COTL1: variants seen among roughly 807,000 people sequenced by gnomAD.
COTL1 encodes coactosin like F-actin binding protein 1, also known as coactosin-like protein.
A neutral mutation model predicts 16.5 loss-of-function variants in COTL1; 15 were observed. The ratio of observed to expected loss-of-function variants is 0.91; its 90% CI spans 0.61 to 1.40. The LOEUF is 1.40. Ranked by LOEUF, COTL1 falls within the 40% of genes most tolerant of loss-of-function variation. The probability of loss-of-function intolerance (pLI) is 0.00; values close to 1 mark genes in which losing one functional copy is unlikely to be tolerated. For missense variants in COTL1, 220 were observed against 201.5 expected, an observed-to-expected ratio of 1.09 and a Z score of -0.56; for synonymous variants, 112 against 85.3, an observed-to-expected ratio of 1.31 and a Z score of -1.73.
At chr16:84,604,854 C>A (rs1256571754) in intron 2 of COTL1, among the ~76,000 whole-genome samples, 1 of 152,236 alleles carries the variant, frequency 6.6e-6, no homozygotes. Context: ...TATTTGCAAG[C>A]CATGAACAAT....
chr16:84,598,665 C>CA (rs1905054036), intron 2 of COTL1, among the ~76,000 whole-genome samples: 1 of 150,562 alleles, frequency 6.6e-6, no homozygotes, highest in South Asian at 2.1e-4. Flanking sequence ...CAACCCCCCC[C>CA]ACCAACCCCG....
chr16:84,603,714 G>C (rs1336115531), intron 2 of COTL1, among the ~76,000 whole-genome samples: 5 of 152,110 alleles, frequency 3.3e-5, no homozygotes, highest in African/African-American at 1.2e-4. Flanking sequence ...TGTGCTCAGG[G>C]AAAAGGGCTG....
chr16:84,586,130 C>A (rs1239355046), intron 3 of COTL1, among the ~76,000 whole-genome samples: 1 of 152,174 alleles, frequency 6.6e-6, no homozygotes, highest in Admixed American at 6.6e-5. Flanking sequence ...ATAGCATGGA[C>A]CGTTTCTTTG....
intron 3 of COTL1, 114 bp downstream of exon 3, chr16:84,589,991 G>A: frequency 9.6e-7 from 1 of 1,045,822 alleles, no homozygotes; most frequent in South Asian, 1.6e-5. Context: ...AGCATGGCTT[G>A]TCCCAAGTCA....
chr16:84,587,084 A>G (rs1904751423), intron 3 of COTL1, among the ~76,000 whole-genome samples: 1 of 151,866 alleles, frequency 6.6e-6, no homozygotes, highest in East Asian at 1.9e-4. Flanking sequence ...CTTCTTTTTC[A>G]TTTTCCATCC....
Position 84,566,941 on chromosome 16 carries a change from C to T in COTL1, c.333G>A (p.Glu111=). ...GCTCCTTCCGATCACTGATCACAAACTCCTTAGCGAAATTCTGCAAGAACA... is the reference window on the plus strand; with the variant it reads ...GCTCCTTCCGATCACTGATCACAAATTCCTTAGCGAAATTCTGCAAGAACA... The part of the protein sequence containing the change: ...VKEVVQNFAK[E]FVISDRKELE... The change falls in exon 4 of 4, where the codon GAG becomes GAA. Residue 111 remains glutamate (E), a synonymous_variant. Coordinates refer to ENST00000262428, the MANE Select transcript of COTL1 (RefSeq NM_021149.5). 1 of 1,613,344 alleles carries T rather than the reference C, an allele frequency of 6.2e-7. No individual in the cohort carries two copies. The highest frequency in any genetic ancestry group is 1.1e-5 in the South Asian group (1 of 91,068).
intron 2 of COTL1, chr16:84,595,478 C>A (rs1295797798): frequency 1.3e-5 from 2 of 152,202 alleles, no homozygotes; most frequent in Non-Finnish European, 2.9e-5. Context: ...GTTCTCGGTC[C>A]CTTTTGACCT....
chr16:84,599,463 C>T (rs1402604203), intron 2 of COTL1, among the ~76,000 whole-genome samples: 1 of 152,190 alleles, frequency 6.6e-6, no homozygotes, highest in Non-Finnish European at 1.5e-5. Context: ...AACTTTTTAG[C>T]GTAAGTCCTT....
At chr16:84,602,850 CAA>C (rs1443643008) in intron 2 of COTL1, among the ~76,000 whole-genome samples, 4 of 124,304 alleles carry the variant, frequency 3.2e-5, no homozygotes, top group East Asian at 2.3e-4. Context: ...GACTTCATCT[CAA>C]AAAAAAAAAA....
chr16:84,595,898 A>T (rs8053408), intron 2 of COTL1: 56,118 of 151,658 alleles, frequency 0.37, 10,677 homozygotes, highest in East Asian at 0.55. Flanking sequence ...TTATATATAC[A>T]TGTATGTGTA....
intron 2 of COTL1, among the ~76,000 whole-genome samples, chr16:84,601,085 C>A (rs572939066): frequency 1.1e-3 from 166 of 152,240 alleles, no homozygotes; most frequent in Admixed American, 2.1e-3. Flanking sequence ...TATAAGGAGA[C>A]GCTGCGCCAC....
chr16:84,599,865 C>T (rs1905076457), intron 2 of COTL1, among the ~76,000 whole-genome samples: 2 of 152,306 alleles, frequency 1.3e-5, no homozygotes, highest in South Asian at 4.2e-4. Context: ...ATTCTTACAT[C>T]CTGCTGCCCA....
intron 2 of COTL1, among the ~76,000 whole-genome samples, chr16:84,608,312 GA>G (rs58886086): frequency 0.018 from 2,784 of 152,282 alleles, 96 homozygotes; most frequent in African/African-American, 0.064. Context: ...AGTGTTTAGG[GA>G]ATGCTTTTTT....
intron 3 of COTL1, among the ~76,000 whole-genome samples, chr16:84,583,411 G>T (rs1175601752): frequency 6.6e-6 from 1 of 152,074 alleles, no homozygotes; most frequent in African/African-American, 2.4e-5. Context: ...GGCTAAATCT[G>T]GTCCCAGAAA....
chr16:84,565,771 AAAAAC>A lies in COTL1; in HGVS notation c.*1069_*1073del, dbSNP rs1301946530. On this transcript the variant is annotated 3_prime_UTR_variant, in exon 4 of 4. Transcript: ENST00000262428. Reference sequence around the variant, plus strand: ...AACCAAGCCAATCTCACCTTTCTTTAAAAACAAAACAAAACGATCCTTTTGAATGT... The same window carrying A: ...AACCAAGCCAATCTCACCTTTCTTTAAAAACAAAACGATCCTTTTGAATGT... 2.0e-5 allele frequency: 3 copies of A among 152,484 alleles called. No individual in the cohort carries two copies. The highest frequency in any genetic ancestry group is 6.5e-5 in the Admixed American group (1 of 15,294). The allele number at this position is 152,484 out of a possible 1,614,324, so 9.4% of individuals were successfully genotyped here.
intron 2 of COTL1, among the ~76,000 whole-genome samples, chr16:84,610,536 A>G (rs889194990): frequency 6.6e-6 from 1 of 152,174 alleles, no homozygotes; most frequent in Non-Finnish European, 1.5e-5. Context: ...AACTCTGTCC[A>G]AAGTCTCAGG....
At chr16:84,591,284 C>T (rs1904855213) in intron 2 of COTL1, among the ~76,000 whole-genome samples, 1 of 151,258 alleles carries the variant, frequency 6.6e-6, no homozygotes, top group South Asian at 2.1e-4. Flanking sequence ...CTAGGGTTCA[C>T]ACCATTCTCC....
At chr16:84,610,017 G>C (rs1191490331) in intron 2 of COTL1, among the ~76,000 whole-genome samples, 1 of 152,174 alleles carries the variant, frequency 6.6e-6, no homozygotes, top group East Asian at 1.9e-4. Context: ...GGGTTGGTGT[G>C]GGGGTAGGAA....
intron 2 of COTL1, among the ~76,000 whole-genome samples, chr16:84,614,728 T>C (rs1905427129): frequency 1.3e-5 from 2 of 152,076 alleles, no homozygotes. Flanking sequence ...GTGGAACCTT[T>C]CTTCTCAGGC....
Sources: allele counts gnomAD v4.1 joint callset (sites outside exome capture counted in the v4.1 genomes callset), GRCh38; gene constraint gnomAD v4.1.1; transcripts MANE v1.5; gene names NCBI Gene and HGNC (gene_info 2026-07-23, HGNC 2026-07-21).